The following ZNF729 variants were observed in gnomAD, a reference collection of about 807,000 sequenced individuals.
ZNF729 encodes the protein zinc finger protein 729.
Under a neutral mutation model 12.2 loss-of-function variants are expected in ZNF729, and 15 were observed. That is an observed-to-expected ratio of 1.23 (90% CI 0.82 to 1.89). The LOEUF is 1.89. Among genes scored for constraint, ZNF729 ranks in the 40% most tolerant of loss-of-function variants. The probability of loss-of-function intolerance (pLI) is 0.00; values close to 1 mark genes in which losing one functional copy is unlikely to be tolerated. For missense variants in ZNF729, 1,540 were observed against 1,456.7 expected, an observed-to-expected ratio of 1.06 and a Z score of -0.93; for synonymous variants, 492 against 476.3, an observed-to-expected ratio of 1.03 and a Z score of -0.43.
chr19:22,303,525 A>G (rs140950456), intron 1 of ZNF729, among the ~76,000 whole-genome samples: 1 of 152,330 alleles, frequency 6.6e-6, no homozygotes, highest in African/African-American at 2.4e-5. Context: ...TTATCCAGAA[A>G]GGTATCTTAT....
At chr19:22,301,909 C>T (rs71203946) in intron 1 of ZNF729, among the ~76,000 whole-genome samples, 11,099 of 147,180 alleles carry the variant, frequency 0.075, no homozygotes, top group African/African-American at 0.22. Flanking sequence ...TTAACCAGGG[C>T]GGTTCCATTT....
chr19:22,287,740 C>A (rs1367731608), intron 1 of ZNF729, among the ~76,000 whole-genome samples: 3 of 151,920 alleles, frequency 2.0e-5, no homozygotes, highest in African/African-American at 7.3e-5. Context: ...TCCCAAACCC[C>A]CATTCCTGCA....
chr19:22,314,708 C>G lies in ZNF729; in HGVS notation c.1291C>G (p.Pro431Ala). The change falls in exon 4 of 4, where the codon CCC becomes GCC. Residue 431 changes from proline to alanine, a missense_variant. By Grantham distance (27) the Pro-to-Ala change is conservative (BLOSUM62 -1). Transcript: ENST00000601693. The stretch of plus-strand genomic sequence containing the variant: ...TAAGATAATTCATACTGGAAAGAAA[C>G]CCTACAAATGTGAAGAATGTGGCAA... ...KHKIIHTGKK[P>A]YKCEECGKAF... 6.2e-7 allele frequency: 1 copy of G among 1,612,836 alleles called. No homozygotes were observed. The highest frequency in any genetic ancestry group is 8.5e-7 in the Non-Finnish European group (1 of 1,179,768).
chr19:22,312,605 T>C (rs564769813), intron 3 of ZNF729, among the ~76,000 whole-genome samples: 1 of 152,290 alleles, frequency 6.6e-6, no homozygotes, highest in Admixed American at 6.5e-5. Flanking sequence ...ACTCAAGCTG[T>C]CATTTTAAAG....
At chr19:22,293,923 G>T (rs184757775) in intron 1 of ZNF729, among the ~76,000 whole-genome samples, 1 of 152,108 alleles carries the variant, frequency 6.6e-6, no homozygotes, top group African/African-American at 2.4e-5. Context: ...TATAGGTTTT[G>T]TGTTTACTCT....
intron 1 of ZNF729, among the ~76,000 whole-genome samples, chr19:22,291,394 A>C (rs1968150964): frequency 6.6e-6 from 1 of 152,124 alleles, no homozygotes; most frequent in Non-Finnish European, 1.5e-5. Flanking sequence ...TCTTACAAAC[A>C]TATCCACTAG....
At position 22,316,583 on chromosome 19, in the gene ZNF729, G is replaced by C. The variant is rs1444885143; in HGVS notation, c.3166G>C (p.Ala1056Pro). 1.9e-6 allele frequency: 3 copies of C among 1,613,276 alleles called. No individual in the cohort carries two copies. The African/African-American group carries it at 4.0e-5, about 22-fold the overall frequency. Reference sequence around the variant, plus strand: ...CTACAAATGTGAAGAATGTGGTAAAGCTTTTAAGTGGTCCTCAAAACTTAC... The same window carrying C: ...CTACAAATGTGAAGAATGTGGTAAACCTTTTAAGTGGTCCTCAAAACTTAC... Reference protein sequence around the residue: ...KPYKCEECGKAFKWSSKLTEH... With the variant: ...KPYKCEECGKPFKWSSKLTEH... Residue 1056 changes from alanine to proline, a missense_variant, in exon 4 of 4, where the codon GCT (alanine) becomes CCT (proline). Transcript: ENST00000601693.
intron 1 of ZNF729, chr19:22,299,838 C>T (rs925228773): frequency 6.6e-6 from 1 of 152,284 alleles, no homozygotes; most frequent in African/African-American, 2.4e-5. Flanking sequence ...AGGCTCTCCT[C>T]CTGCAGCTCA....
chr19:22,291,661 C>T (rs975315900), intron 1 of ZNF729, among the ~76,000 whole-genome samples: 1 of 150,724 alleles, frequency 6.6e-6, no homozygotes, highest in Admixed American at 6.6e-5. Flanking sequence ...ACACCTGGGC[C>T]ACTATCTGTA....
intron 1 of ZNF729, among the ~76,000 whole-genome samples, chr19:22,297,788 GA>G (rs1197840767): frequency 2.6e-5 from 4 of 151,786 alleles, no homozygotes; most frequent in Non-Finnish European, 4.4e-5. Flanking sequence ...CGGATCACCT[GA>G]GGTCAGGAAT....
chr19:22,310,260 G>A (rs1360795086), intron 3 of ZNF729, among the ~76,000 whole-genome samples: 3 of 151,970 alleles, frequency 2.0e-5, no homozygotes, highest in Non-Finnish European at 4.4e-5. Flanking sequence ...CATGGCGAGA[G>A]TGGGCATCCT....
intron 1 of ZNF729, among the ~76,000 whole-genome samples, chr19:22,295,732 G>A (rs181331107): frequency 2.0e-5 from 3 of 152,118 alleles, no homozygotes; most frequent in Non-Finnish European, 2.9e-5. Context: ...AACGCTTTCA[G>A]CTTGTATCCA....
At chr19:22,288,874 G>GAA (rs111427625) in intron 1 of ZNF729, among the ~76,000 whole-genome samples, 4 of 150,274 alleles carry the variant, frequency 2.7e-5, no homozygotes, top group African/African-American at 7.3e-5. Context: ...TATCCCAAAA[G>GAA]AAAAAAAAAC....
intron 1 of ZNF729, among the ~76,000 whole-genome samples, chr19:22,291,185 C>T (rs1389954060): frequency 1.3e-5 from 2 of 152,072 alleles, no homozygotes; most frequent in Non-Finnish European, 2.9e-5. Context: ...TAAAAGATAT[C>T]ACAGAGGCCT....
chr19:22,287,052 A>G (rs1379703821), intron 1 of ZNF729, among the ~76,000 whole-genome samples: 2 of 152,152 alleles, frequency 1.3e-5, no homozygotes, highest in African/African-American at 4.8e-5. Flanking sequence ...TATGGAAGGG[A>G]TTTGACGGAA....
At position 22,316,691 on chromosome 19, in the gene ZNF729, A is replaced by G; in HGVS notation, c.3274A>G (p.Arg1092Gly). 1.2e-6 allele frequency: 2 copies of G among 1,612,794 alleles called. No individual in the cohort carries two copies. ...DKAFKHFSAL[R>G]KHKVIHTGKK... ...AGCTTTTAAGCATTTCTCAGCCCTT[A>G]GAAAACATAAGGTAATTCATACTGG... The change falls in exon 4 of 4, where the codon AGA becomes GGA. Residue 1092 changes from arginine to glycine, a missense_variant. Physicochemically the swap from Arg to Gly is moderately radical, Grantham distance 125. Coordinates refer to ENST00000601693, the MANE Select transcript of ZNF729 (RefSeq NM_001242680.2).
At chr19:22,298,296 G>A (rs946955122) in intron 1 of ZNF729, among the ~76,000 whole-genome samples, 9 of 151,590 alleles carry the variant, frequency 5.9e-5, no homozygotes, top group African/African-American at 2.2e-4. Flanking sequence ...AACATATAAA[G>A]TATATATACA....
In ZNF729 at chr19:22,316,126, T is replaced by G. The variant is rs1221417806; in HGVS notation, c.2709T>G (p.Thr903=). ...SKLTVHKVIH[T]AEKPCKCEEC... ...TTACTGTACATAAGGTAATTCATACTGCAGAGAAACCCTGTAAATGTGAAG... is the reference window on the plus strand; with the variant it reads ...TTACTGTACATAAGGTAATTCATACGGCAGAGAAACCCTGTAAATGTGAAG... Residue 903 remains threonine, a synonymous_variant, in exon 4 of 4, where the codon ACT becomes ACG. Coordinates refer to ENST00000601693, the MANE Select transcript of ZNF729 (RefSeq NM_001242680.2). 6.2e-6 allele frequency: 10 copies of G among 1,609,824 alleles called. No homozygotes were observed. The highest frequency in any genetic ancestry group is 2.2e-5 in the East Asian group (1 of 44,758).
intron 3 of ZNF729, among the ~76,000 whole-genome samples, chr19:22,312,168 TATTTA>T (rs1265160413): frequency 1.1e-4 from 17 of 152,158 alleles, no homozygotes; most frequent in Admixed American, 1.0e-3. Context: ...CATTCAGTGT[TATTTA>T]ATTTATTTGA....
Sources: allele counts gnomAD v4.1 joint callset (sites outside exome capture counted in the v4.1 genomes callset), GRCh38; gene constraint gnomAD v4.1.1; transcripts MANE v1.5; gene names NCBI Gene and HGNC (gene_info 2026-07-23, HGNC 2026-07-21).